ANKRD28: variants seen among roughly 807,000 people sequenced by gnomAD.
ANKRD28 encodes the protein ankyrin repeat domain 28.
Under a neutral mutation model 126.5 loss-of-function variants are expected in ANKRD28, and 44 were observed. That is an observed-to-expected ratio of 0.35 (90% confidence interval 0.27 to 0.45). The LOEUF (loss-of-function observed/expected upper bound fraction) is 0.45, where lower values mean the gene tolerates loss of function less well. ANKRD28 is among the 20% of genes least tolerant of loss of function. The pLI is 1.00. For missense variants in ANKRD28, 1,110 were observed against 1,316.6 expected, an observed-to-expected ratio of 0.84 and a Z score of 2.43; for synonymous variants, 442 against 468.5, an observed-to-expected ratio of 0.94 and a Z score of 0.73.
At chr3:15,675,016 TC>T (rs1364481479) in intron 27 of ANKRD28, among the ~76,000 whole-genome samples, 1 of 152,064 alleles carries the variant, frequency 6.6e-6, no homozygotes, top group African/African-American at 2.4e-5. Context: ...ACACCTGTAA[TC>T]CCAGCAATTT....
intron 3 of ANKRD28, among the ~76,000 whole-genome samples, chr3:15,755,911 C>G (rs1415169870): frequency 6.6e-6 from 1 of 152,028 alleles, no homozygotes; most frequent in African/African-American, 2.4e-5. Context: ...GCCTGTGGTG[C>G]GAAAAAGCAC....
intron 14 of ANKRD28, among the ~76,000 whole-genome samples, chr3:15,703,944 T>C (rs1173513182): frequency 6.6e-6 from 1 of 152,160 alleles, no homozygotes; most frequent in African/African-American, 2.4e-5. Context: ...AATATAACTG[T>C]TGATGATGGT....
In ANKRD28 at chr3:15,707,931, C is replaced by G; in HGVS notation, c.1540G>C (p.Asp514His). ...CACTCCTATGGTACTTACTTGCCAT[C>G]TGTGTCTGATGTAGCTGCATAGTGC... ...PLHYAATSDT[D>H]GKCLEYLLRN... Residue 514 changes from aspartate to histidine, a missense_variant, in exon 14 of 28, where the codon GAT becomes CAT. Physicochemically the swap from Asp to His is moderately conservative, Grantham distance 81. Transcript: ENST00000683139. 6.2e-7 allele frequency: 1 copy of G among 1,612,908 alleles called. No homozygotes were observed. The highest frequency in any genetic ancestry group is 8.5e-7 in the Non-Finnish European group (1 of 1,179,208).
intron 14 of ANKRD28, among the ~76,000 whole-genome samples, chr3:15,700,510 T>G (rs2070411583): frequency 6.6e-6 from 1 of 151,574 alleles, no homozygotes; most frequent in Admixed American, 6.6e-5. Flanking sequence ...GCGCGGTGGC[T>G]CATGCCTGTA....
intron 2 of ANKRD28, among the ~76,000 whole-genome samples, chr3:15,783,523 A>T (rs2059631502): frequency 6.6e-6 from 1 of 151,976 alleles, no homozygotes; most frequent in South Asian, 2.1e-4. Flanking sequence ...CATTTACACA[A>T]GAGAAAAAAA....
chr3:15,710,066 A>G (rs2072031075), intron 12 of ANKRD28, among the ~76,000 whole-genome samples: 1 of 149,196 alleles, frequency 6.7e-6, no homozygotes, highest in East Asian at 2.0e-4. Context: ...ACAGAGCCTC[A>G]CTCTATAGTT....
chr3:15,756,760 C>G (rs2058183246), intron 3 of ANKRD28, among the ~76,000 whole-genome samples: 1 of 152,000 alleles, frequency 6.6e-6, no homozygotes, highest in African/African-American at 2.4e-5. Flanking sequence ...AGGATGGGCC[C>G]CAGATTTAAA....
At chr3:15,766,432 T>A in intron 2 of ANKRD28, 120 bp from the exon 3 acceptor site, 1 of 689,862 alleles carries the variant, frequency 1.4e-6, no homozygotes, top group Non-Finnish European at 2.5e-6. Context: ...ATCAACTTAT[T>A]ACTTCTATAA....
At chr3:15,809,192 C>T (rs1031046992) in intron 1 of ANKRD28, among the ~76,000 whole-genome samples, 3 of 152,128 alleles carry the variant, frequency 2.0e-5, no homozygotes, top group Non-Finnish European at 4.4e-5. Context: ...AGTCAGTCAC[C>T]AAGTTCTATG....
At chr3:15,735,926 A>C (rs982660848) in intron 5 of ANKRD28, among the ~76,000 whole-genome samples, 1 of 152,234 alleles carries the variant, frequency 6.6e-6, no homozygotes, top group African/African-American at 2.4e-5. Context: ...GTCACTGCAT[A>C]GTCTGCTTAC....
chr3:15,843,353 ATTAC>A lies in ANKRD28; in HGVS notation c.27+16020_27+16023del, dbSNP rs1197699115. ...CCAGACCCCAATCCCAACACTAAAG[ATTAC>A]ATGTCAACATGAGATGTGGGCAAGA... On this transcript the variant is annotated intron_variant, in intron 1 of 27. Coordinates refer to the ANKRD28 transcript ENST00000399451. The surrounding 1 kb of genome is among the most constrained non-coding windows in gnomAD (Gnocchi z 5.2). Among the ~76,000 whole-genome samples the A allele has an allele frequency of 6.6e-6, 1 of 152,168 alleles. No individual in the cohort carries two copies. Among genetic ancestry groups the A allele is most frequent in the Non-Finnish European group, 1.5e-5 (1 of 68,042 alleles).
chr3:15,691,964 C>A (rs549577645), intron 17 of ANKRD28, among the ~76,000 whole-genome samples: 1 of 151,752 alleles, frequency 6.6e-6, no homozygotes, highest in Admixed American at 6.6e-5. Flanking sequence ...CTCATCTCTG[C>A]CAAAAATAAA....
At chr3:15,744,531 G>A (rs1229595051) in intron 4 of ANKRD28, among the ~76,000 whole-genome samples, 1 of 149,348 alleles carries the variant, frequency 6.7e-6, no homozygotes, top group East Asian at 2.0e-4. Flanking sequence ...TGGCCAGGCT[G>A]GTCTTGAACT....
chr3:15,711,102 G>A (rs1333970818), intron 12 of ANKRD28, 109 bp downstream of exon 12: 23 of 942,664 alleles, frequency 2.4e-5, no homozygotes, highest in South Asian at 5.9e-5. Flanking sequence ...CTCCTGTTTT[G>A]TTTTCTATTT....
rs374237760 is a variant in ANKRD28 at position 15,744,086 on chromosome 3, GCT to G, written c.352-6855_352-6854del. On this transcript the variant is annotated intron_variant, in intron 4 of 27. Transcript: ENST00000683139. ...AAATGTAATAAGTATAGCTACTTTT[GCT>G]CTCAGGACTTAATGAAAATAAGTAA... 3.3e-5 allele frequency among the ~76,000 whole-genome samples: 5 copies of G among 152,236 alleles called. No homozygotes were observed. The South Asian group carries it at 6.2e-4, about 19-fold the overall frequency.
intron 2 of ANKRD28, among the ~76,000 whole-genome samples, chr3:15,776,005 G>A (rs565395599): frequency 6.6e-6 from 1 of 152,258 alleles, no homozygotes; most frequent in South Asian, 2.1e-4. Flanking sequence ...TAAGCTATCT[G>A]AGGGGCCTCA....
chr3:15,740,250 G>A (rs1027872443), intron 4 of ANKRD28, among the ~76,000 whole-genome samples: 1 of 152,196 alleles, frequency 6.6e-6, no homozygotes, highest in Non-Finnish European at 1.5e-5. Context: ...ACGGACATGA[G>A]GGAACTTGCT....
Position 15,679,903 on chromosome 3 carries a change from C to CCCTAGATA in ANKRD28, c.2390-341_2390-340insTATCTAGG, listed in dbSNP as rs748498727. Among the ~76,000 whole-genome samples, 139 of 151,576 alleles carry CCCTAGATA rather than the reference C, an allele frequency of 9.2e-4. 1 individual carries two copies. The highest frequency in any genetic ancestry group is 2.8e-3 in the African/African-American group (117 of 41,348). On this transcript the variant is annotated intron_variant, in intron 21 of 27. Coordinates refer to ENST00000683139, the MANE Select transcript of ANKRD28 (RefSeq NM_001349278.2). Reference sequence around the variant, plus strand: ...TGTCATATACCCTAAATACAGCATACCAATTATTTACATAACATTTACATT... The same window carrying CCCTAGATA: ...TGTCATATACCCTAAATACAGCATACCCTAGATACAATTATTTACATAACATTTACATT...
At chr3:15,784,951 G>A (rs1002319157) in intron 2 of ANKRD28, among the ~76,000 whole-genome samples, 2 of 152,006 alleles carry the variant, frequency 1.3e-5, no homozygotes, top group African/African-American at 4.8e-5. Context: ...CTACTTTCAA[G>A]GAAAGACTCA....
Sources: gnomAD v4.1 joint callset for allele counts (sites outside exome capture counted in the v4.1 genomes callset) on GRCh38, gnomAD v4.1.1 for gene constraint, Gnocchi (gnomAD v3.1) non-coding constraint, MANE v1.5 for transcripts, NCBI Gene and HGNC (gene_info 2026-07-23, HGNC 2026-07-21) for gene names.